Variants in CHODL observed in about 807,000 individuals in gnomAD.
CHODL encodes the protein transmembrane protein MT75.
In CHODL, 29 loss-of-function variants were observed where a neutral mutation model predicts 34.5. The observed-to-expected ratio is 0.84, with a 90% CI of 0.63 to 1.15. The LOEUF is 1.15. CHODL is among the 50% of genes most tolerant of loss of function. The probability of loss-of-function intolerance (pLI) is 0.00; values close to 1 mark genes in which losing one functional copy is unlikely to be tolerated. For missense variants in CHODL, 332 were observed against 332.5 expected, an observed-to-expected ratio of 1.00 and a Z score of 0.01; for synonymous variants, 125 against 116.1, an observed-to-expected ratio of 1.08 and a Z score of -0.49.
intron 1 of CHODL, among the ~76,000 whole-genome samples, chr21:17,960,436 C>T (rs1405622210): frequency 6.6e-6 from 1 of 152,206 alleles, no homozygotes; most frequent in Admixed American, 6.5e-5. Context: ...GTTGAGCACC[C>T]TGGCCAAATT....
rs1478289626 is a variant in CHODL, at chr21:18,261,672, A to C, written c.635-1119A>C. Among the ~76,000 whole-genome samples the C allele has an allele frequency of 2.0e-5, 3 of 151,316 alleles. No homozygotes were observed. In the South Asian group the frequency reaches 6.3e-4, roughly 32 times the overall value. ...CAGAGCAAGACTCTGTCCCTCCACA[A>C]AAAAAAAATATTCAGTAATCACATT... On this transcript the variant is annotated intron_variant, in intron 4 of 5. Transcript: ENST00000299295.
chr21:18,143,834 C>G (rs1401231577), intron 2 of CHODL, among the ~76,000 whole-genome samples: 2 of 151,992 alleles, frequency 1.3e-5, no homozygotes, highest in African/African-American at 4.8e-5. Context: ...TTACTTCCTG[C>G]TACTGAAAAT....
At chr21:17,934,107 C>G (rs1025179357) in intron 1 of CHODL, among the ~76,000 whole-genome samples, 2 of 150,802 alleles carry the variant, frequency 1.3e-5, no homozygotes, top group Non-Finnish European at 2.9e-5. Flanking sequence ...GAGTGAGGGT[C>G]GAAAAATTAC....
At position 18,216,074 on chromosome 21, in the gene CHODL, G is replaced by A. The variant is rs548680746; in HGVS notation, c.-44-40435G>A. ...ATTTACATTATTTCTTCTCTTATAT[G>A]TTAATTTCTTACTTTATGTTCCCTT... On this transcript the variant is annotated intron_variant, in intron 2 of 6. Coordinates refer to the CHODL transcript ENST00000400127. Among the ~76,000 whole-genome samples, 204 of 151,790 alleles carry A rather than the reference G, an allele frequency of 1.3e-3. 1 individual carries two copies. Among genetic ancestry groups the A allele is most frequent in the African/African-American group, 4.5e-3 (185 of 41,408 alleles).
intron 2 of CHODL, among the ~76,000 whole-genome samples, chr21:18,237,133 G>C (rs993513748): frequency 3.3e-5 from 5 of 152,044 alleles, no homozygotes; most frequent in East Asian, 1.9e-4. Flanking sequence ...TAAATATCAG[G>C]GTATGAACTG....
At chr21:18,091,704 G>C (rs2065076060) in intron 2 of CHODL, among the ~76,000 whole-genome samples, 1 of 152,102 alleles carries the variant, frequency 6.6e-6, no homozygotes. Context: ...TCCTGTCCTG[G>C]GCAAGAAAGG....
In CHODL at chr21:17,922,949, G is replaced by A. The variant is rs892212272; in HGVS notation, c.-145+5549G>A. On this transcript the variant is annotated intron_variant, in intron 1 of 6. Transcript: ENST00000400127. ...AGTCAACATATGAAAGATGAACATT[G>A]GTTCCTTCTGGAAAAGTGGGACAAT... is the stretch of plus-strand genomic sequence containing the variant. Among the ~76,000 whole-genome samples the A allele has an allele frequency of 1.2e-4, 19 of 152,190 alleles. 1 individual carries two copies. The Middle Eastern group carries it at 0.017, about 136-fold the overall frequency.
chr21:18,102,149 C>T lies in CHODL; in HGVS notation c.-45+74178C>T, dbSNP rs117643667. Among the ~76,000 whole-genome samples, 30 of 152,252 alleles carry T rather than the reference C, an allele frequency of 2.0e-4. No individual in the cohort carries two copies. In the East Asian group the frequency reaches 5.2e-3, roughly 26 times the overall value. On this transcript the variant is annotated intron_variant, in intron 2 of 6. Coordinates refer to the CHODL transcript ENST00000400127. The stretch of plus-strand genomic sequence containing the variant: ...TGCCCACATCATCCTATTCTATATC[C>T]ATAGGCTAGAACTTCAGTCAAACTG...
At chr21:18,189,629 ATTTTTT>A (rs35604998) in intron 2 of CHODL, among the ~76,000 whole-genome samples, 13 of 94,594 alleles carry the variant, frequency 1.4e-4, no homozygotes, top group African/African-American at 5.1e-4. Flanking sequence ...GAAGTGGGCA[ATTTTTT>A]TTTTTTTTTT....
At chr21:18,085,946 TTCTGAGCTTTTTATTC>T (rs2065000939) in intron 2 of CHODL, among the ~76,000 whole-genome samples, 1 of 152,022 alleles carries the variant, frequency 6.6e-6, no homozygotes, top group African/African-American at 2.4e-5. Flanking sequence ...TAAATAGATT[TTCTGAGCTTTTTATTC>T]TCTCTTTCCC....
intron 2 of CHODL, among the ~76,000 whole-genome samples, chr21:18,159,463 GGA>G (rs2073071774): frequency 6.6e-6 from 1 of 152,030 alleles, no homozygotes; most frequent in East Asian, 1.9e-4. Context: ...CAGTTTTATA[GGA>G]GAACTTGAAA....
chr21:17,957,001 G>A (rs1321323363), intron 1 of CHODL, among the ~76,000 whole-genome samples: 2 of 151,944 alleles, frequency 1.3e-5, no homozygotes, highest in Admixed American at 1.3e-4. Flanking sequence ...CAATGTGGGT[G>A]GGCAACCAAT....
chr21:18,009,051 A>G (rs111820748), intron 1 of CHODL, among the ~76,000 whole-genome samples: 728 of 152,338 alleles, frequency 4.8e-3, no homozygotes, highest in Non-Finnish European at 8.9e-3. Context: ...AAATATTGGC[A>G]AACTATATGG....
intron 1 of CHODL, 133 bp downstream of exon 1, chr21:18,245,435 G>A (rs2074128044): frequency 3.0e-6 from 2 of 673,262 alleles, no homozygotes; most frequent in Non-Finnish European, 2.4e-6. Context: ...GGGAGGAGGC[G>A]GGGAGAAATT....
intron 2 of CHODL, among the ~76,000 whole-genome samples, chr21:18,198,923 A>G (rs1373432251): frequency 2.0e-5 from 3 of 152,174 alleles, no homozygotes; most frequent in Admixed American, 2.0e-4. Context: ...AATATACAAT[A>G]TTATAAAATT....
At chr21:18,099,962 T>A (rs1296565533) in intron 2 of CHODL, 1 of 152,096 alleles carries the variant, frequency 6.6e-6, no homozygotes, top group Non-Finnish European at 1.5e-5. Flanking sequence ...GGTCCAGATG[T>A]TATCCACATA....
chr21:18,122,667 G>T (rs1327560706), intron 2 of CHODL, among the ~76,000 whole-genome samples: 7 of 152,050 alleles, frequency 4.6e-5, no homozygotes, highest in African/African-American at 1.4e-4. Flanking sequence ...ACTTGCCTAG[G>T]AATGAAGGTG....
intron 2 of CHODL, among the ~76,000 whole-genome samples, chr21:18,166,117 T>C (rs1024028348): frequency 6.6e-6 from 1 of 152,160 alleles, no homozygotes; most frequent in African/African-American, 2.4e-5. Context: ...TAAGCTCTCA[T>C]GATTAGTGGT....
chr21:18,235,034 G>A (rs1044331215), intron 2 of CHODL, among the ~76,000 whole-genome samples: 1 of 152,130 alleles, frequency 6.6e-6, no homozygotes, highest in African/African-American at 2.4e-5. Flanking sequence ...AATAACATAA[G>A]AGCCAGGCAT....
Sources: gnomAD v4.1 joint callset for allele counts (sites outside exome capture counted in the v4.1 genomes callset) on GRCh38, gnomAD v4.1.1 for gene constraint, MANE v1.5 for transcripts, NCBI Gene and HGNC (gene_info 2026-07-23, HGNC 2026-07-21) for gene names.